The following PPFIA2 variants were observed in gnomAD, a reference collection of about 807,000 sequenced individuals.
The protein encoded by PPFIA2 is PPFI scaffold protein A2.
Under a neutral mutation model 175.5 loss-of-function variants are expected in PPFIA2, and 46 were observed. That is an observed-to-expected ratio of 0.26 (90% CI 0.21 to 0.34). PPFIA2 has a LOEUF of 0.34. Ranked by LOEUF, PPFIA2 falls within the 10% of genes least tolerant of loss-of-function variation. The pLI is 1.00. For missense variants in PPFIA2, 1,179 were observed against 1,506.1 expected (o/e 0.78, Z 3.60); for synonymous variants, 568 against 511.4 (o/e 1.11, Z -1.49).
chr12:81,379,031 A>T (rs2037028213), intron 9 of PPFIA2, among the ~76,000 whole-genome samples: 1 of 152,122 alleles, frequency 6.6e-6, no homozygotes, highest in Non-Finnish European at 1.5e-5. Context: ...CAATTAGATG[A>T]TCTCACTCTA....
chr12:81,496,748 G>A (rs1019491389), intron 4 of PPFIA2, among the ~76,000 whole-genome samples: 1 of 152,160 alleles, frequency 6.6e-6, no homozygotes, highest in East Asian at 1.9e-4. Flanking sequence ...AAAACTGAAG[G>A]AATATGCTGA....
At chr12:81,610,375 C>T (rs181425017) in intron 4 of PPFIA2, among the ~76,000 whole-genome samples, 3 of 152,228 alleles carry the variant, frequency 2.0e-5, no homozygotes, top group Admixed American at 6.5e-5. Flanking sequence ...TGTCAGGATG[C>T]CAATGAATCA....
At position 81,671,444 on chromosome 12, in the gene PPFIA2, C is replaced by CA. The variant is rs955164076; in HGVS notation, c.303+5346dup. On this transcript the variant is annotated intron_variant, in intron 4 of 32. Coordinates refer to ENST00000549396, the MANE Select transcript of PPFIA2 (RefSeq NM_003625.5). ...TATTGTTATAATCTAGGGAGACAGA[C>CA]AAAAAAAAAGTCACCATGATCATTT... Among the ~76,000 whole-genome samples, 43 of 150,300 alleles carry CA rather than the reference C, an allele frequency of 2.9e-4. No individual in the cohort carries two copies. The South Asian group carries it at 5.9e-3, about 21-fold the overall frequency.
At chr12:81,501,981 A>G (rs748341016) in intron 4 of PPFIA2, among the ~76,000 whole-genome samples, 3 of 152,040 alleles carry the variant, frequency 2.0e-5, no homozygotes, top group Non-Finnish European at 4.4e-5. Flanking sequence ...AAAATAGGGC[A>G]TTTTCTCTCA....
At chr12:81,468,753 T>TTGTAA (rs2056206820) in intron 4 of PPFIA2, among the ~76,000 whole-genome samples, 1 of 152,228 alleles carries the variant, frequency 6.6e-6, no homozygotes, top group Admixed American at 6.5e-5. Context: ...GCTATAAAAG[T>TTGTAA]TGTAAAATCT....
chr12:81,488,426 A>T (rs948465606), intron 4 of PPFIA2, among the ~76,000 whole-genome samples: 4 of 151,680 alleles, frequency 2.6e-5, no homozygotes, highest in African/African-American at 9.7e-5. Flanking sequence ...GTTACCCCCA[A>T]CACACACACA....
chr12:81,487,524 T>G (rs1259137437), intron 4 of PPFIA2, among the ~76,000 whole-genome samples: 4 of 151,700 alleles, frequency 2.6e-5, no homozygotes, highest in African/African-American at 4.8e-5. Flanking sequence ...ACTCAAAGCT[T>G]GTATTTTTAA....
chr12:81,587,752 C>G (rs1016070762), intron 4 of PPFIA2, among the ~76,000 whole-genome samples: 2 of 152,028 alleles, frequency 1.3e-5, no homozygotes, highest in Admixed American at 6.6e-5. Flanking sequence ...CTCTAGAGAA[C>G]AGAATAATAT....
intron 4 of PPFIA2, among the ~76,000 whole-genome samples, chr12:81,622,449 A>G (rs2062165179): frequency 6.6e-6 from 1 of 152,058 alleles, no homozygotes; most frequent in African/African-American, 2.4e-5. Context: ...CATAAGAATG[A>G]ATTTTCAATT....
At chr12:81,647,573 A>C (rs2066312974) in intron 4 of PPFIA2, among the ~76,000 whole-genome samples, 1 of 151,530 alleles carries the variant, frequency 6.6e-6, no homozygotes, top group Non-Finnish European at 1.5e-5. Flanking sequence ...CATCCTGGCT[A>C]ACATGGTGAA....
intron 7 of PPFIA2, among the ~76,000 whole-genome samples, chr12:81,432,463 CTTTT>C (rs545183498): frequency 5.4e-4 from 72 of 132,786 alleles, no homozygotes; most frequent in African/African-American, 2.0e-3. Flanking sequence ...GCAGAACTAA[CTTTT>C]TTTTTTTTTT....
intron 26 of PPFIA2, among the ~76,000 whole-genome samples, chr12:81,282,183 T>A (rs2042230207): frequency 2.6e-5 from 4 of 152,020 alleles, no homozygotes; most frequent in Admixed American, 2.6e-4. Context: ...AAACCAATAT[T>A]TTAAAAGAAC....
In PPFIA2 at chr12:81,282,467, T is replaced by C. The variant is rs529279807; in HGVS notation, c.3018+543A>G. 5.3e-5 allele frequency among the ~76,000 whole-genome samples: 8 copies of C among 152,214 alleles called. No individual in the cohort carries two copies. The East Asian group carries it at 1.5e-3, about 29-fold the overall frequency. On this transcript the variant is annotated intron_variant, in intron 26 of 32. Coordinates refer to ENST00000549396, the MANE Select transcript of PPFIA2 (RefSeq NM_003625.5). ...AATTTTCTCTTTTGGTCATCCAAAATGTGGAAATGTAGAAAAAATGCACAG... is the reference window on the plus strand; with the variant it reads ...AATTTTCTCTTTTGGTCATCCAAAACGTGGAAATGTAGAAAAAATGCACAG...
chr12:81,746,645 C>A (rs73153311), intron 3 of PPFIA2, among the ~76,000 whole-genome samples: 1,980 of 144,166 alleles, frequency 0.014, 305 homozygotes, highest in Non-Finnish European at 0.021. Flanking sequence ...ATTTGAACAT[C>A]TTGCAAAATA....
At chr12:81,396,566 T>A (rs2041166340) in intron 8 of PPFIA2, among the ~76,000 whole-genome samples, 1 of 152,002 alleles carries the variant, frequency 6.6e-6, no homozygotes, top group Non-Finnish European at 1.5e-5. Flanking sequence ...TAGAGCCTTG[T>A]GTAAGTGGAA....
chr12:81,550,013 C>G (rs1360450194), intron 4 of PPFIA2, among the ~76,000 whole-genome samples: 1 of 151,948 alleles, frequency 6.6e-6, no homozygotes. Flanking sequence ...AGCTTTCTTT[C>G]TGAAAGGACC....
intron 4 of PPFIA2, among the ~76,000 whole-genome samples, chr12:81,504,467 T>C (rs1594136495): frequency 6.6e-6 from 1 of 152,122 alleles, no homozygotes; most frequent in South Asian, 2.1e-4. Flanking sequence ...CCAGTTAGAA[T>C]GGCGATCATT....
intron 4 of PPFIA2, among the ~76,000 whole-genome samples, chr12:81,533,809 G>A (rs1265629349): frequency 1.3e-5 from 2 of 150,172 alleles, no homozygotes; most frequent in Non-Finnish European, 3.0e-5. Flanking sequence ...ATGATAATTT[G>A]TGAATTATCA....
intron 4 of PPFIA2, among the ~76,000 whole-genome samples, chr12:81,493,079 G>T (rs1236825840): frequency 3.3e-5 from 5 of 151,994 alleles, no homozygotes; most frequent in Non-Finnish European, 7.4e-5. Flanking sequence ...TAAGAAGAGA[G>T]ATTGGAAAAA....
Sources: gnomAD v4.1 joint callset for allele counts (sites outside exome capture counted in the v4.1 genomes callset) on GRCh38, gnomAD v4.1.1 for gene constraint, MANE v1.5 for transcripts, NCBI Gene and HGNC (gene_info 2026-07-23, HGNC 2026-07-21) for gene names.